Variants in ARHGAP21 observed in about 807,000 individuals in gnomAD.
ARHGAP21 encodes Rho GTPase activating protein 21.
ARHGAP21 carries 38 observed loss-of-function variants against 164.6 expected under a neutral mutation model. The observed-to-expected ratio is 0.23, with a 90% confidence interval of 0.18 to 0.30. The LOEUF (loss-of-function observed/expected upper bound fraction) is 0.30, where lower values mean the gene tolerates loss of function less well. ARHGAP21 is among the 10% of genes least tolerant of loss of function. The pLI is 1.00. For synonymous variants in ARHGAP21, 766 were observed against 857.9 expected (o/e 0.89, Z 1.87); for missense variants, 1,822 against 2,370.7 (o/e 0.77, Z 4.81).
intron 2 of ARHGAP21, among the ~76,000 whole-genome samples, chr10:24,689,090 C>T (rs750677115): frequency 2.0e-4 from 30 of 152,026 alleles, no homozygotes; most frequent in Non-Finnish European, 4.3e-4. Context: ...TCTAGTTGAG[C>T]CAATTTATTT....
At chr10:24,657,652 G>GT (rs1184105403) in intron 4 of ARHGAP21, among the ~76,000 whole-genome samples, 3 of 118,354 alleles carry the variant, frequency 2.5e-5, no homozygotes, top group Non-Finnish European at 5.2e-5. Context: ...GATGGTTGCC[G>GT]TGTCTGTGTA....
Position 24,635,173 on chromosome 10 carries a change from G to A in ARHGAP21, c.269-70C>T, listed in dbSNP as rs935286380. The A allele has an allele frequency of 3.1e-6, 3 of 955,242 alleles. No individual in the cohort carries two copies. The Admixed American group carries it at 8.2e-5, about 26-fold the overall frequency. The allele number at this position is 955,242 out of a possible 1,614,324, so 59.2% of individuals were successfully genotyped here. ...TACTAAAATACCTAAATATAAAATA[G>A]TATTTGAGAGAATTAAGCAAAGCTT... On this transcript the variant is annotated intron_variant, in intron 4 of 25. Transcript: ENST00000396432.
intron 11 of ARHGAP21, among the ~76,000 whole-genome samples, chr10:24,604,745 T>C (rs890801646): frequency 1.2e-4 from 18 of 152,134 alleles, no homozygotes; most frequent in Non-Finnish European, 7.4e-5. Flanking sequence ...TTCAGGGAGA[T>C]GCTCCCTGTC....
At chr10:24,589,416 A>G (rs1592921725) in intron 24 of ARHGAP21, 114 bp from the exon 25 acceptor site, 1 of 908,206 alleles carries the variant, frequency 1.1e-6, no homozygotes, top group East Asian at 2.7e-5. Flanking sequence ...AGCAAAACTC[A>G]AAACAATAGA....
rs367697485 is a variant in ARHGAP21, at chr10:24,591,601, A to G, written c.4044+41T>C. 2.5e-6 allele frequency: 4 copies of G among 1,607,592 alleles called. No homozygotes were observed. The African/African-American group carries it at 5.3e-5, about 22-fold the overall frequency. On this transcript the variant is annotated intron_variant, in intron 23 of 25. Transcript: ENST00000396432. ...TGGCGCGCCAGGATCTTGTGTCCCA[A>G]ATGAAACTACTGAGTACAAATGCTG...
At chr10:24,669,505 A>G (rs1019425286) in intron 3 of ARHGAP21, among the ~76,000 whole-genome samples, 1 of 152,206 alleles carries the variant, frequency 6.6e-6, no homozygotes, top group Non-Finnish European at 1.5e-5. Flanking sequence ...AAGCATGTAT[A>G]TTGGTCAAAT....
chr10:24,608,865 T>C (rs1421311425), intron 9 of ARHGAP21, among the ~76,000 whole-genome samples: 2 of 152,236 alleles, frequency 1.3e-5, no homozygotes, highest in Admixed American at 6.5e-5. Flanking sequence ...GACAGTTTAC[T>C]ATTATGTCAG....
chr10:24,590,380 G>A, intron 24 of ARHGAP21: 1 of 1,535,342 alleles, frequency 6.5e-7, no homozygotes, highest in Non-Finnish European at 8.7e-7. Context: ...GCTACAGTGT[G>A]GACAACAGTC....
chr10:24,611,230 C>A (rs2131043523), intron 9 of ARHGAP21, among the ~76,000 whole-genome samples: 2 of 152,196 alleles, frequency 1.3e-5, no homozygotes, highest in East Asian at 3.9e-4. Flanking sequence ...AGTCAGGGCC[C>A]CTTATATTAA....
chr10:24,593,396 C>T (rs1320015966), intron 21 of ARHGAP21, among the ~76,000 whole-genome samples: 1 of 152,166 alleles, frequency 6.6e-6, no homozygotes, highest in Non-Finnish European at 1.5e-5. Flanking sequence ...AGTCTACCAT[C>T]TCAAATGCCT....
At position 24,619,223 on chromosome 10, in the gene ARHGAP21, T is replaced by C. The variant is rs554149661; in HGVS notation, c.2422+250A>G. 5.3e-5 allele frequency among the ~76,000 whole-genome samples: 8 copies of C among 151,948 alleles called. No individual in the cohort carries two copies. The South Asian group carries it at 1.7e-3, about 32-fold the overall frequency. ...ATCTCAGGAATTTGTTTCATCAAAA[T>C]AAAAATTTGAAATGGGTACTAGGTA... On this transcript the variant is annotated intron_variant, in intron 9 of 25. Coordinates refer to ENST00000396432, the MANE Select transcript of ARHGAP21 (RefSeq NM_020824.4).
At chr10:24,685,849 T>G (rs1842164389) in intron 2 of ARHGAP21, among the ~76,000 whole-genome samples, 1 of 151,952 alleles carries the variant, frequency 6.6e-6, no homozygotes, top group African/African-American at 2.4e-5. Flanking sequence ...GCACTCCAGT[T>G]TAGTTAACCC....
At chr10:24,592,919 T>C (rs2076400311) in intron 21 of ARHGAP21, among the ~76,000 whole-genome samples, 1 of 152,212 alleles carries the variant, frequency 6.6e-6, no homozygotes, top group African/African-American at 2.4e-5. Flanking sequence ...ACCAATCTTC[T>C]GAAGCTACAT....
At chr10:24,617,900 G>A (rs1414261706) in intron 9 of ARHGAP21, among the ~76,000 whole-genome samples, 5 of 152,200 alleles carry the variant, frequency 3.3e-5, no homozygotes, top group Non-Finnish European at 7.4e-5. Flanking sequence ...GTATGGCCTT[G>A]GTTGGTGGCA....
At chr10:24,715,114 T>G (rs531807753) in intron 2 of ARHGAP21, among the ~76,000 whole-genome samples, 1 of 152,188 alleles carries the variant, frequency 6.6e-6, no homozygotes, top group East Asian at 1.9e-4. Context: ...CTTTTTAGTA[T>G]TGTTTTAAGC....
At chr10:24,708,219 G>T (rs1465633273) in intron 2 of ARHGAP21, among the ~76,000 whole-genome samples, 2 of 152,036 alleles carry the variant, frequency 1.3e-5, no homozygotes, top group Admixed American at 1.3e-4. Context: ...CTGGTTTGTC[G>T]GCCTCTGTCC....
intron 4 of ARHGAP21, among the ~76,000 whole-genome samples, chr10:24,642,339 C>A (rs1469138197): frequency 6.6e-6 from 1 of 151,682 alleles, no homozygotes; most frequent in East Asian, 1.9e-4. Context: ...CACGGTGAAA[C>A]CCCGTCTCTA....
intron 21 of ARHGAP21, among the ~76,000 whole-genome samples, chr10:24,594,684 A>G (rs182753461): frequency 6.6e-6 from 1 of 152,328 alleles, no homozygotes; most frequent in Admixed American, 6.5e-5. Context: ...ATTGATATAC[A>G]GCTAAAAAAT....
At chr10:24,650,371 A>C (rs1838034560) in intron 4 of ARHGAP21, among the ~76,000 whole-genome samples, 1 of 152,110 alleles carries the variant, frequency 6.6e-6, no homozygotes, top group South Asian at 2.1e-4. Context: ...AAACAACAAA[A>C]AAAGCAACAT....
Sources: gnomAD v4.1 joint callset for allele counts (sites outside exome capture counted in the v4.1 genomes callset) on GRCh38, gnomAD v4.1.1 for gene constraint, MANE v1.5 for transcripts, NCBI Gene and HGNC (gene_info 2026-07-23, HGNC 2026-07-21) for gene names.